SDK2: variants seen among roughly 807,000 people sequenced by gnomAD.
SDK2 encodes the protein protein sidekick-2.
A neutral mutation model predicts 253.9 loss-of-function variants in SDK2; 105 were observed. That is an observed-to-expected ratio of 0.41 (90% confidence interval 0.35 to 0.49). The LOEUF (loss-of-function observed/expected upper bound fraction) is 0.49, where lower values mean the gene tolerates loss of function less well. SDK2 is among the 20% of genes least tolerant of loss of function. The pLI is 0.06. For synonymous variants in SDK2, 1,249 were observed against 1,234.9 expected, an observed-to-expected ratio of 1.01 and a Z score of -0.24; for missense variants, 2,608 against 3,003.0, an observed-to-expected ratio of 0.87 and a Z score of 3.07.
intron 37 of SDK2, among the ~76,000 whole-genome samples, chr17:73,366,124 G>A (rs931246554): frequency 4.6e-5 from 7 of 152,160 alleles, no homozygotes; most frequent in African/African-American, 1.7e-4. Flanking sequence ...TCCCCACCAC[G>A]CTGGAGCTAA....
At chr17:73,442,313 G>A (rs907223965) in intron 5 of SDK2, among the ~76,000 whole-genome samples, 11 of 150,714 alleles carry the variant, frequency 7.3e-5, no homozygotes, top group African/African-American at 2.4e-4. Context: ...CAGCTGTGGT[G>A]CTTTGTTATG....
chr17:73,504,213 T>TGA (rs1435356845), intron 2 of SDK2: 2 of 83,324 alleles, frequency 2.4e-5, no homozygotes, highest in Non-Finnish European at 7.0e-5. Context: ...TGTGTGTGTG[T>TGA]GTGAGAGAGA....
At chr17:73,444,109 C>T (rs890359102) in intron 5 of SDK2, among the ~76,000 whole-genome samples, 2 of 152,148 alleles carry the variant, frequency 1.3e-5, no homozygotes, top group Admixed American at 6.5e-5. Flanking sequence ...TGACAGCCTC[C>T]CCTCCTGGAG....
chr17:73,611,485 C>G (rs895542937), intron 1 of SDK2, among the ~76,000 whole-genome samples: 3 of 152,244 alleles, frequency 2.0e-5, no homozygotes, highest in African/African-American at 7.2e-5. Context: ...CCCAAGTCCC[C>G]CTGGGAGAGG....
intron 3 of SDK2, among the ~76,000 whole-genome samples, chr17:73,462,655 C>A (rs1183529913): frequency 6.6e-6 from 1 of 151,922 alleles, no homozygotes; most frequent in East Asian, 1.9e-4. Context: ...CAAGCATACA[C>A]GCATGTATAT....
intron 18 of SDK2, among the ~76,000 whole-genome samples, chr17:73,413,204 C>T (rs1043793380): frequency 6.6e-6 from 1 of 151,950 alleles, no homozygotes; most frequent in East Asian, 1.9e-4. Flanking sequence ...CTCACAGGAG[C>T]GTGAACCCTG....
At chr17:73,426,242 T>C (rs1226672137) in intron 12 of SDK2, among the ~76,000 whole-genome samples, 1 of 139,140 alleles carries the variant, frequency 7.2e-6, no homozygotes, top group African/African-American at 2.8e-5. Context: ...TTTTTCTGTA[T>C]TTTTAGTAGA....
chr17:73,557,451 TACC>T (rs1322567637), intron 1 of SDK2, among the ~76,000 whole-genome samples: 5 of 152,066 alleles, frequency 3.3e-5, no homozygotes, highest in African/African-American at 9.7e-5. Context: ...TACAGGTGTG[TACC>T]ACCACATCTG....
At chr17:73,582,171 A>G (rs1361063570) in intron 1 of SDK2, among the ~76,000 whole-genome samples, 1 of 152,122 alleles carries the variant, frequency 6.6e-6, no homozygotes, top group African/African-American at 2.4e-5. Flanking sequence ...CTCACCACGC[A>G]GGCATCAGCA....
In SDK2 at chr17:73,456,069, C is replaced by A; in HGVS notation, c.332-16G>T. On this transcript the variant is annotated splice_polypyrimidine_tract_variant and intron_variant, in intron 3 of 44. Coordinates refer to ENST00000392650, the MANE Select transcript of SDK2 (RefSeq NM_001144952.2). ...CTCCCCATGTCTGCAGCCGGGACAA[C>A]GGCAGTAGGATCAGGGGCGGGAGGT... 1 of 1,466,764 alleles carries A rather than the reference C, an allele frequency of 6.8e-7. No homozygotes were observed. The highest frequency in any genetic ancestry group is 9.1e-7 in the Non-Finnish European group (1 of 1,100,568). The allele number at this position is 1,466,764 out of a possible 1,614,324, so 90.9% of individuals were successfully genotyped here. A position where few individuals can be genotyped will look rare whatever the true frequency, so the allele number is the denominator to read the frequency against.
intron 36 of SDK2, among the ~76,000 whole-genome samples, chr17:73,375,574 C>A (rs2062771193): frequency 6.6e-6 from 1 of 151,790 alleles, no homozygotes; most frequent in South Asian, 2.1e-4. Context: ...AATTTCAAAC[C>A]CTGGCTGGGC....
intron 1 of SDK2, among the ~76,000 whole-genome samples, chr17:73,597,935 G>A (rs184817435): frequency 5.2e-4 from 79 of 152,232 alleles, no homozygotes; most frequent in African/African-American, 1.6e-3. Flanking sequence ...CTGAGCCACC[G>A]CGCCTGGCCT....
At chr17:73,382,218 CAAAA>C (rs34453546) in intron 33 of SDK2, among the ~76,000 whole-genome samples, 9 of 126,706 alleles carry the variant, frequency 7.1e-5, no homozygotes, top group East Asian at 2.3e-4. Context: ...AACTCCATTT[CAAAA>C]AAAAAAAAAA....
Position 73,334,957 on chromosome 17 carries a change from T to G in SDK2, c.*3630A>C, listed in dbSNP as rs1345816808. ...GCACTGTGGTGAGGCTCTGGCACCT[T>G]TAGAAGCACTGCCCAGGGAGGCGTG... is the stretch of plus-strand genomic sequence containing the variant. On this transcript the variant is annotated 3_prime_UTR_variant, in exon 45 of 45. Coordinates refer to ENST00000392650, the MANE Select transcript of SDK2 (RefSeq NM_001144952.2). The G allele has an allele frequency of 2.0e-5, 3 of 152,252 alleles. No homozygotes were observed. Among genetic ancestry groups the G allele is most frequent in the Non-Finnish European group, 2.9e-5 (2 of 68,106 alleles). The allele number at this position is 152,252 out of a possible 1,614,324, so 9.4% of individuals were successfully genotyped here. A position where few individuals can be genotyped will look rare whatever the true frequency, so the allele number is the denominator to read the frequency against.
At chr17:73,578,172 G>A (rs1393085216) in intron 1 of SDK2, among the ~76,000 whole-genome samples, 1 of 151,366 alleles carries the variant, frequency 6.6e-6, no homozygotes, top group Non-Finnish European at 1.5e-5. Context: ...CAATTCCCCT[G>A]CCTCAACCTC....
intron 1 of SDK2, among the ~76,000 whole-genome samples, chr17:73,635,850 CAG>C (rs2046323185): frequency 6.6e-6 from 1 of 151,760 alleles, no homozygotes; most frequent in East Asian, 1.9e-4. Flanking sequence ...ATCCCAACCC[CAG>C]AGAGAGATGG....
Position 73,537,212 on chromosome 17 carries a change from C to T in SDK2, c.65-29615G>A, listed in dbSNP as rs116433296. Among the ~76,000 whole-genome samples, 1,330 of 152,308 alleles carry T rather than the reference C, an allele frequency of 8.7e-3. 14 individuals are homozygous for T. The highest frequency in any genetic ancestry group is 0.031 in the African/African-American group (1,273 of 41,564). ...ATGCAAAGAGACGATGGATTGTGAG[C>T]CCTGAGAAATCAAAGTTGAAACTCA... On this transcript the variant is annotated intron_variant, in intron 1 of 44. Coordinates refer to ENST00000392650, the MANE Select transcript of SDK2 (RefSeq NM_001144952.2).
intron 1 of SDK2, among the ~76,000 whole-genome samples, chr17:73,617,318 G>A (rs2046073798): frequency 6.6e-6 from 1 of 150,666 alleles, no homozygotes; most frequent in South Asian, 2.1e-4. Flanking sequence ...GAGGGGAGAG[G>A]CCTCCTGCGG....
At position 73,584,597 on chromosome 17, in the gene SDK2, C is replaced by T. The variant is rs372759277; in HGVS notation, c.64+59428G>A. Among the ~76,000 whole-genome samples, 575 of 152,354 alleles carry T rather than the reference C, an allele frequency of 3.8e-3. 3 individuals carry two copies. Among genetic ancestry groups the T allele is most frequent in the African/African-American group, 9.1e-3 (379 of 41,584 alleles). On this transcript the variant is annotated intron_variant, in intron 1 of 44. Transcript: ENST00000392650. ...CAGGGAGCACCTTCTGGGACCAGTG[C>T]TGGATCAAAGGCCCTGAGCTCCAGA... is the stretch of plus-strand genomic sequence containing the variant.
Sources: gnomAD v4.1 joint callset for allele counts (sites outside exome capture counted in the v4.1 genomes callset) on GRCh38, gnomAD v4.1.1 for gene constraint, MANE v1.5 for transcripts, NCBI Gene and HGNC (gene_info 2026-07-23, HGNC 2026-07-21) for gene names.